RBFOX1: variants seen among roughly 807,000 people sequenced by gnomAD.
The protein encoded by RBFOX1 is RNA binding fox-1 homolog 1.
RBFOX1 carries 8 observed loss-of-function variants against 57.7 expected under a neutral mutation model. That is an observed-to-expected ratio of 0.14 (90% CI 0.08 to 0.25). The LOEUF (loss-of-function observed/expected upper bound fraction) is 0.25. Ranked by LOEUF, RBFOX1 falls within the 10% of genes least tolerant of loss-of-function variation. The pLI is 1.00. For missense variants in RBFOX1, 611 were observed against 548.5 expected, an observed-to-expected ratio of 1.11 and a Z score of -1.14; for synonymous variants, 326 against 222.4, an observed-to-expected ratio of 1.47 and a Z score of -4.15.
chr16:6,326,312 G>A (rs988580901), intron 2 of RBFOX1, among the ~76,000 whole-genome samples: 1 of 152,068 alleles, frequency 6.6e-6, no homozygotes, highest in Non-Finnish European at 1.5e-5. Context: ...ATATGGTGCT[G>A]TACACTCATG....
rs150465959 is a variant in RBFOX1, at chr16:5,555,365, C to G, written c.259-43537C>G. ...ACCTCCTGGGCTCAAGCAATTCTGC[C>G]TCAGCCTCCCGAGTAGCTGGGACTA... is the stretch of plus-strand genomic sequence containing the variant. On this transcript the variant is annotated intron_variant, in intron 2 of 2. Coordinates refer to the RBFOX1 transcript ENST00000585867. Among the ~76,000 whole-genome samples the G allele has an allele frequency of 2.0e-5, 3 of 152,192 alleles. No homozygotes were observed. In the East Asian group the frequency reaches 5.9e-4, roughly 30 times the overall value.
chr16:5,239,958 G>A (rs2062121940), exon 1 of RBFOX1: 4 of 1,527,988 alleles, frequency 2.6e-6, no homozygotes, highest in Non-Finnish European at 3.5e-6. Flanking sequence ...CCAGGAGGGA[G>A]GAGGACGACG....
intron 3 of RBFOX1, among the ~76,000 whole-genome samples, chr16:6,722,936 C>A (rs1345294683): frequency 1.3e-5 from 2 of 152,052 alleles, no homozygotes; most frequent in Non-Finnish European, 2.9e-5. Flanking sequence ...ACTAGGGGGC[C>A]CTCTGCTTCT....
intron 1 of RBFOX1, among the ~76,000 whole-genome samples, chr16:6,282,503 C>A (rs898595720): frequency 6.6e-6 from 1 of 152,048 alleles, no homozygotes; most frequent in South Asian, 2.1e-4. Flanking sequence ...GCCCTGCATG[C>A]ATTAGGTATT....
intron 3 of RBFOX1, among the ~76,000 whole-genome samples, chr16:7,040,031 T>C (rs933728860): frequency 5.3e-5 from 8 of 151,528 alleles, no homozygotes; most frequent in African/African-American, 1.5e-4. Flanking sequence ...TCATTATTAT[T>C]ATTATTTTGA....
intron 2 of RBFOX1, among the ~76,000 whole-genome samples, chr16:5,479,755 C>T (rs938450681): frequency 1.3e-5 from 2 of 151,816 alleles, no homozygotes; most frequent in African/African-American, 4.8e-5. Context: ...TCCATCCCCG[C>T]CCCTCACCCC....
At chr16:5,506,828 G>A (rs1403445994) in intron 2 of RBFOX1, among the ~76,000 whole-genome samples, 2 of 152,056 alleles carry the variant, frequency 1.3e-5, no homozygotes, top group East Asian at 3.9e-4. Context: ...CCTTGGGAGT[G>A]GGGTCTAAAC....
At chr16:6,894,292 G>GGGT (rs2066230577) in intron 3 of RBFOX1, among the ~76,000 whole-genome samples, 3 of 152,260 alleles carry the variant, frequency 2.0e-5, no homozygotes, top group African/African-American at 7.2e-5. Flanking sequence ...TATTTCCAAG[G>GGGT]GGTGGTCTGT....
chr16:6,832,677 C>T (rs986174247), intron 3 of RBFOX1, among the ~76,000 whole-genome samples: 6 of 152,068 alleles, frequency 3.9e-5, no homozygotes, highest in Non-Finnish European at 8.8e-5. Context: ...ATTACTTTAC[C>T]CACTCAAAAT....
At chr16:6,253,001 G>T (rs1052891102) in intron 1 of RBFOX1, among the ~76,000 whole-genome samples, 1 of 152,116 alleles carries the variant, frequency 6.6e-6, no homozygotes, top group Non-Finnish European at 1.5e-5. Flanking sequence ...TGTGAGGTAG[G>T]AACTATTATA....
chr16:6,579,919 T>C (rs767451050), intron 2 of RBFOX1, among the ~76,000 whole-genome samples: 28 of 152,094 alleles, frequency 1.8e-4, no homozygotes, highest in Non-Finnish European at 3.5e-4. Flanking sequence ...ACATATTCTA[T>C]GTATAGGTTC....
At chr16:6,103,582 A>G (rs1384113804) in intron 1 of RBFOX1, among the ~76,000 whole-genome samples, 1 of 152,096 alleles carries the variant, frequency 6.6e-6, no homozygotes, top group East Asian at 1.9e-4. Flanking sequence ...TAACAAGCAG[A>G]TTCAGGCTCC....
Position 7,407,737 on chromosome 16 carries a change from C to G in RBFOX1, c.28-110410C>G, listed in dbSNP as rs2098370687. On this transcript the variant is annotated intron_variant, in intron 4 of 15. Coordinates refer to ENST00000550418, the MANE Select transcript of RBFOX1 (RefSeq NM_018723.4). ...GCAGAATAATAACCTAGAGACTGTGCAAGTCTTCACAGTGCCTTCTGTATC... is the reference window on the plus strand; with the variant it reads ...GCAGAATAATAACCTAGAGACTGTGGAAGTCTTCACAGTGCCTTCTGTATC... Among the ~76,000 whole-genome samples the G allele has an allele frequency of 2.0e-5, 3 of 152,184 alleles. No individual in the cohort carries two copies. In the South Asian group the frequency reaches 6.2e-4, roughly 32 times the overall value.
chr16:5,908,019 G>C (rs1189899092), intron 4 of RBFOX1, among the ~76,000 whole-genome samples: 1 of 151,132 alleles, frequency 6.6e-6, no homozygotes, highest in Non-Finnish European at 1.5e-5. Flanking sequence ...TGCAAGTGCT[G>C]GGATTACAGG....
At chr16:6,698,007 T>C (rs1299222250) in intron 3 of RBFOX1, among the ~76,000 whole-genome samples, 1 of 152,224 alleles carries the variant, frequency 6.6e-6, no homozygotes, top group Admixed American at 6.5e-5. Flanking sequence ...ATCAAACTTA[T>C]TATCCTCCTC....
intron 3 of RBFOX1, among the ~76,000 whole-genome samples, chr16:6,952,848 G>A (rs946719519): frequency 6.6e-6 from 1 of 151,816 alleles, no homozygotes; most frequent in Non-Finnish European, 1.5e-5. Flanking sequence ...GGTGGTGCAT[G>A]CCTGTAATCC....
chr16:6,861,561 G>A (rs1342350619), intron 3 of RBFOX1, among the ~76,000 whole-genome samples: 1 of 142,502 alleles, frequency 7.0e-6, no homozygotes, highest in East Asian at 2.2e-4. Context: ...TTCAGTGTTA[G>A]CATCTTAGGC....
At chr16:6,969,521 G>T (rs1239614572) in intron 3 of RBFOX1, among the ~76,000 whole-genome samples, 1 of 152,002 alleles carries the variant, frequency 6.6e-6, no homozygotes, top group East Asian at 1.9e-4. Context: ...GATCGATTGA[G>T]CTCGGGAGTT....
chr16:7,220,322 C>T lies in RBFOX1; in HGVS notation c.27+168224C>T, dbSNP rs115241409. On this transcript the variant is annotated intron_variant, in intron 4 of 15. Coordinates refer to ENST00000550418, the MANE Select transcript of RBFOX1 (RefSeq NM_018723.4). ...CATTTCATCATGCTGAGTGAGATTC[C>T]ATTTCTAAACTTGGTGTCATTCATG... Among the ~76,000 whole-genome samples, 495 of 152,254 alleles carry T rather than the reference C, an allele frequency of 3.3e-3. 3 individuals are homozygous for T. Among genetic ancestry groups the T allele is most frequent in the African/African-American group, 0.012 (480 of 41,528 alleles).
Sources: allele counts gnomAD v4.1 joint callset (sites outside exome capture counted in the v4.1 genomes callset), GRCh38; gene constraint gnomAD v4.1.1; transcripts MANE v1.5; gene names NCBI Gene and HGNC (gene_info 2026-07-23, HGNC 2026-07-21).